Variants in EPS15 observed in about 807,000 individuals in gnomAD.
EPS15 encodes epidermal growth factor receptor pathway substrate 15.
In EPS15, 72 loss-of-function variants were observed where a neutral mutation model predicts 113.8. The observed-to-expected ratio is 0.63, with a 90% CI of 0.52 to 0.77. The LOEUF (loss-of-function observed/expected upper bound fraction) is 0.77, where lower values mean the gene tolerates loss of function less well. EPS15 is among the 30% of genes least tolerant of loss of function. The pLI is 0.00. For missense variants in EPS15, 1,048 were observed against 1,045.8 expected, an observed-to-expected ratio of 1.00 and a Z score of -0.03; for synonymous variants, 344 against 363.4, an observed-to-expected ratio of 0.95 and a Z score of 0.61.
At chr1:51,381,956 T>C (rs1646950704) in intron 21 of EPS15, among the ~76,000 whole-genome samples, 1 of 151,722 alleles carries the variant, frequency 6.6e-6, no homozygotes, top group African/African-American at 2.4e-5. Flanking sequence ...ATAATAAAAA[T>C]TGGAGCAGAG....
chr1:51,423,530 C>G (rs72696107), intron 12 of EPS15: 3 of 985,214 alleles, frequency 3.0e-6, no homozygotes, highest in South Asian at 4.7e-5. Flanking sequence ...ACCCTCCCCC[C>G]ATCCCAAATC....
At chr1:51,475,242 T>C (rs1178070264) in intron 2 of EPS15, among the ~76,000 whole-genome samples, 2 of 152,210 alleles carry the variant, frequency 1.3e-5, no homozygotes, top group Non-Finnish European at 2.9e-5. Flanking sequence ...TTCTAGATCC[T>C]TGAGGAATCG....
chr1:51,416,829 AATAT>A (rs980583271), intron 13 of EPS15, among the ~76,000 whole-genome samples: 1 of 150,670 alleles, frequency 6.6e-6, no homozygotes, highest in Non-Finnish European at 1.5e-5. Context: ...CAATATCAGT[AATAT>A]ATTTTATATA....
chr1:51,409,383 A>G, intron 14 of EPS15, 152 bp downstream of exon 14: 1 of 638,532 alleles, frequency 1.6e-6, no homozygotes. Context: ...TAATTTCTGG[A>G]TGAACCTTGC....
chr1:51,444,113 A>G (rs533837335), intron 11 of EPS15, among the ~76,000 whole-genome samples: 104 of 152,322 alleles, frequency 6.8e-4, no homozygotes, highest in African/African-American at 2.3e-3. Flanking sequence ...CTCCACAGCC[A>G]TGGTTATACT....
intron 15 of EPS15, 75 bp from the exon 16 acceptor site, chr1:51,406,183 A>C: frequency 7.9e-7 from 1 of 1,258,676 alleles, no homozygotes; most frequent in Non-Finnish European, 1.1e-6. Context: ...GCCCTCCTCC[A>C]CTTCCTGACG....
intron 8 of EPS15, among the ~76,000 whole-genome samples, chr1:51,448,881 T>TC (rs1239411672): frequency 6.6e-6 from 1 of 152,200 alleles, no homozygotes; most frequent in Non-Finnish European, 1.5e-5. Context: ...AAGGTATCCC[T>TC]CTTGCCCTCT....
Position 51,472,934 on chromosome 1 carries a change from A to G in EPS15, c.90T>C (p.Asn30=), listed in dbSNP as rs1472362971. ...CATCAGAAGCCAACACCCTTCCAGT[A>G]TTGCCTGTATCAACCTGAAAAGATA... is the stretch of plus-strand genomic sequence containing the variant. ...EKYYRQVDTG[N]TGRVLASDAA... is the part of the protein sequence containing the mutation. The change falls in exon 3 of 25, where the codon AAT becomes AAC. Residue 30 remains asparagine, a synonymous_variant. Transcript: ENST00000371733. 12 of 1,613,232 alleles carry G rather than the reference A, an allele frequency of 7.4e-6. No individual in the cohort carries two copies. The highest frequency in any genetic ancestry group is 1.3e-5 in the African/African-American group (1 of 74,890).
At chr1:51,447,137 C>G in intron 9 of EPS15, 32 bp from the exon 10 acceptor site, 1 of 1,562,304 alleles carries the variant, frequency 6.4e-7, no homozygotes, top group Non-Finnish European at 8.6e-7. Flanking sequence ...GTATTTCTGC[C>G]AAAATGAAAC....
chr1:51,358,925 CA>C (rs1646309858), intron 24 of EPS15, among the ~76,000 whole-genome samples: 1 of 151,342 alleles, frequency 6.6e-6, no homozygotes, highest in South Asian at 2.1e-4. Flanking sequence ...GCTGGTCTCA[CA>C]CTCCTGACCT....
At chr1:51,483,218 A>G (rs1197961476) in intron 1 of EPS15, among the ~76,000 whole-genome samples, 1 of 152,180 alleles carries the variant, frequency 6.6e-6, no homozygotes, top group Non-Finnish European at 1.5e-5. Flanking sequence ...GTATAATACA[A>G]TAAGATATGT....
chr1:51,506,885 T>G (rs527438632), intron 1 of EPS15, among the ~76,000 whole-genome samples: 138 of 151,320 alleles, frequency 9.1e-4, no homozygotes, highest in African/African-American at 3.1e-3. Flanking sequence ...CAGAGAAGGG[T>G]GAAAACTGTA....
intron 1 of EPS15, among the ~76,000 whole-genome samples, chr1:51,486,289 G>C (rs1644120204): frequency 6.6e-6 from 1 of 151,636 alleles, no homozygotes; most frequent in Non-Finnish European, 1.5e-5. Flanking sequence ...GCTGGACATG[G>C]TGGCGGGCAC....
chr1:51,387,189 T>G (rs946632525), intron 21 of EPS15, among the ~76,000 whole-genome samples: 1 of 152,136 alleles, frequency 6.6e-6, no homozygotes, highest in East Asian at 1.9e-4. Flanking sequence ...AAAAGAATTT[T>G]CAACCCAGAA....
chr1:51,489,152 AC>A (rs1347854431), intron 1 of EPS15, among the ~76,000 whole-genome samples: 4 of 150,740 alleles, frequency 2.7e-5, no homozygotes, highest in African/African-American at 2.4e-5. Context: ...AAAAAAAAAA[AC>A]AAAACAAAAG....
intron 4 of EPS15, among the ~76,000 whole-genome samples, chr1:51,469,250 G>A (rs1049047718): frequency 1.3e-5 from 2 of 152,052 alleles, no homozygotes; most frequent in African/African-American, 4.8e-5. Context: ...TACCTAAAAT[G>A]TTATGAAAAG....
At chr1:51,476,579 C>T (rs1643907944) in intron 2 of EPS15, among the ~76,000 whole-genome samples, 1 of 151,396 alleles carries the variant, frequency 6.6e-6, no homozygotes, top group East Asian at 1.9e-4. Flanking sequence ...CTATTTGATC[C>T]TTCTCTCTTT....
At chr1:51,461,252 C>A (rs1041007577) in intron 7 of EPS15, 102 bp from the exon 8 acceptor site, 7 of 792,196 alleles carry the variant, frequency 8.8e-6, no homozygotes, top group Non-Finnish European at 1.1e-5. Context: ...GTGGCTCATG[C>A]CCATATGGCC....
chr1:51,394,257 T>C, intron 21 of EPS15, 124 bp downstream of exon 21: 1 of 542,368 alleles, frequency 1.8e-6, no homozygotes. Flanking sequence ...AAATTACTAT[T>C]GGATATAATT....
Sources: allele counts gnomAD v4.1 joint callset (sites outside exome capture counted in the v4.1 genomes callset), GRCh38; gene constraint gnomAD v4.1.1; transcripts MANE v1.5; gene names NCBI Gene and HGNC (gene_info 2026-07-23, HGNC 2026-07-21).